The following CKMT1B variants were observed in gnomAD, a reference collection of about 807,000 sequenced individuals.
CKMT1B encodes creatine kinase U-type, mitochondrial.
CKMT1B carries 13 observed loss-of-function variants against 21.8 expected under a neutral mutation model. The observed-to-expected ratio is 0.60, with a 90% CI of 0.39 to 0.95. CKMT1B has a LOEUF of 0.95. Ranked by LOEUF, CKMT1B falls within the 40% of genes least tolerant of loss-of-function variation. CKMT1B has a pLI of 0.00. For synonymous variants in CKMT1B, 50 were observed against 80.3 expected (o/e 0.62, Z 2.02); for missense variants, 157 against 227.5 (o/e 0.69, Z 1.99).
intron 6 of CKMT1B, chr15:43,597,757 T>A: frequency 5.0e-6 from 5 of 996,402 alleles, no homozygotes; most frequent in Non-Finnish European, 6.1e-6. Context: ...AACAGAATGT[T>A]ATCTTACCTC....
At chr15:43,597,667 G>A (rs1225085410) in intron 6 of CKMT1B, 44 of 932,958 alleles carry the variant, frequency 4.7e-5, no homozygotes, top group East Asian at 1.8e-4. Flanking sequence ...CCTTCCCCCC[G>A]CCCCCTATTC....
rs150307940 is a variant in CKMT1B, at chr15:43,598,912, T to C, written c.1097T>C (p.Val366Ala). 7.5e-6 allele frequency: 12 copies of C among 1,609,894 alleles called. No homozygotes were observed. The highest frequency in any genetic ancestry group is 1.0e-5 in the Non-Finnish European group (12 of 1,179,658). ...GTGGACACTGCTGCTACAGGCGGTG[T>C]CTTTGATATTTCTAATTTGGACCGA... ...GGVDTAATGG[V>A]FDISNLDRLG... The change falls in exon 8 of 9, where the codon GTC becomes GCC. Residue 366 changes from valine to alanine, a missense_variant. Physicochemically the swap from Val to Ala is moderately conservative, Grantham distance 64 (BLOSUM62 0). Transcript: ENST00000441322.
chr15:43,597,382 G>A, intron 6 of CKMT1B: 1 of 1,159,928 alleles, frequency 8.6e-7, no homozygotes, highest in Non-Finnish European at 1.1e-6. Flanking sequence ...TTAGGTTGTT[G>A]TGGGGATTAA....
At chr15:43,596,814 G>A (rs1256569390) in intron 6 of CKMT1B, among the ~76,000 whole-genome samples, 1 of 149,540 alleles carries the variant, frequency 6.7e-6, no homozygotes, top group Non-Finnish European at 1.5e-5. Flanking sequence ...AAATGAGATG[G>A]CACGTCAGTG....
rs747327818 is a variant in CKMT1B, at chr15:43,598,284, G to C, written c.968G>C (p.Gly323Ala). The C allele has an allele frequency of 1.7e-5, 27 of 1,607,422 alleles. No homozygotes were observed. The highest frequency in any genetic ancestry group is 6.7e-5 in the Admixed American group (4 of 59,872). The change falls in exon 7 of 9, where the codon GGA becomes GCA. Residue 323 changes from glycine to alanine, a missense_variant. Physicochemically the swap from Gly to Ala is moderately conservative, Grantham distance 60 (BLOSUM62 0). Coordinates refer to ENST00000441322, the MANE Select transcript of CKMT1B (RefSeq NM_001375484.1). ...ACCTGTCCATCTAACCTGGGCACTG[G>C]ACTTCGGGCAGGAGTGCACATCAAA... ...ILTCPSNLGT[G>A]LRAGVHIKLP...
At chr15:43,597,661 C>A in intron 6 of CKMT1B, 3 of 915,408 alleles carry the variant, frequency 3.3e-6, no homozygotes, top group Non-Finnish European at 4.1e-6. Flanking sequence ...CAAACGCCTT[C>A]CCCCCGCCCC....
intron 6 of CKMT1B, chr15:43,597,696 T>G (rs1043468870): frequency 9.8e-7 from 1 of 1,020,086 alleles, no homozygotes; most frequent in Admixed American, 4.8e-5. Flanking sequence ...CTGGCTTTTC[T>G]GCTCTGTTTT....
rs144248819 is a variant in CKMT1B, at chr15:43,597,516, G to A, written c.877-677G>A. The A allele has an allele frequency of 7.2e-5, 89 of 1,236,808 alleles. 7 individuals carry two copies. In the African/African-American group the frequency reaches 1.3e-3, roughly 18 times the overall value. The allele number at this position is 1,236,808 out of a possible 1,614,324, so 76.6% of individuals were successfully genotyped here. On this transcript the variant is annotated intron_variant, in intron 6 of 8. Transcript: ENST00000441322. ...TTCAGCATGTAAGATATCCCCTATGGCATGGTTCCTTCTGAACTATAAAGA... is the reference window on the plus strand; with the variant it reads ...TTCAGCATGTAAGATATCCCCTATGACATGGTTCCTTCTGAACTATAAAGA...
rs2085631321 is a variant in CKMT1B at position 43,598,949 on chromosome 15, A to G, written c.1134A>G (p.Ser378=). The part of the protein sequence containing the change: ...DISNLDRLGK[S]EVELVQLVID... Reference sequence around the variant, plus strand: ...CTAATTTGGACCGACTAGGCAAATCAGAGGTGAGATCCTAAGGGATTAGGA... The same window carrying G: ...CTAATTTGGACCGACTAGGCAAATCGGAGGTGAGATCCTAAGGGATTAGGA... Residue 378 remains serine, a synonymous_variant, in exon 8 of 9, where the codon TCA becomes TCG. Transcript: ENST00000441322. The G allele has an allele frequency of 6.2e-7, 1 of 1,611,166 alleles. No homozygotes were observed. The highest frequency in any genetic ancestry group is 8.5e-7 in the Non-Finnish European group (1 of 1,179,560).
In CKMT1B at chr15:43,599,247, A is replaced by G. The variant is rs546474933; in HGVS notation, c.1228A>G (p.Thr410Ala). 25 of 1,613,624 alleles carry G rather than the reference A, an allele frequency of 1.5e-5. No homozygotes were observed. The East Asian group carries it at 5.1e-4, about 33-fold the overall frequency. ...LERGQDIRIP[T>A]PVIHTKH ...GAGAGGCCAGGATATCCGCATCCCC[A>G]CACCTGTCATCCACACCAAGCATTA... The change falls in exon 9 of 9, where the codon ACA becomes GCA. Residue 410 changes from threonine (T) to alanine (A), a missense_variant. Thr to Ala is a moderately conservative substitution (Grantham distance 58). Coordinates refer to ENST00000441322, the MANE Select transcript of CKMT1B (RefSeq NM_001375484.1).
chr15:43,598,779 A>C, intron 7 of CKMT1B, 48 bp from the exon 8 acceptor site: 1 of 1,563,060 alleles, frequency 6.4e-7, no homozygotes, highest in South Asian at 1.2e-5. Flanking sequence ...AGGTAGGACT[A>C]GTCTCTGCCT....
rs2085607950 is a variant in CKMT1B, at chr15:43,598,191, A to G, written c.877-2A>G. 2.5e-6 allele frequency: 4 copies of G among 1,608,842 alleles called. 1 individual carries two copies. In the African/African-American group the frequency reaches 5.6e-5, roughly 22 times the overall value. The stretch of plus-strand genomic sequence containing the variant: ...TCGTTAACAAAACCTTTGTGGACTC[A>G]GGTGGAGAGACTTATCCAAGAACGT... On this transcript the variant is annotated splice_acceptor_variant, in intron 6 of 8. Transcript: ENST00000441322. LOFTEE classifies it high-confidence loss of function.
intron 6 of CKMT1B, chr15:43,597,553 C>A: frequency 8.9e-7 from 1 of 1,119,140 alleles, no homozygotes; most frequent in Non-Finnish European, 1.1e-6. Context: ...GATCCCTTTA[C>A]TCATGTTGGG....
intron 6 of CKMT1B, chr15:43,597,662 C>T: frequency 6.5e-6 from 6 of 925,892 alleles, no homozygotes; most frequent in Non-Finnish European, 6.8e-6. Context: ...AAACGCCTTC[C>T]CCCCGCCCCC....
intron 6 of CKMT1B, chr15:43,597,684 A>G (rs1368171320): frequency 2.1e-5 from 21 of 1,004,124 alleles, no homozygotes; most frequent in Admixed American, 4.8e-5. Flanking sequence ...ATTCCTATGA[A>G]TCTGGCTTTT....
At position 43,597,435 on chromosome 15, in the gene CKMT1B, T is replaced by A. The variant is rs909721459; in HGVS notation, c.877-758T>A. ...TACTTGGTCCACAGTAAGTGCTTAA[T>A]AAGTGTTAAAGTGTTAGCTGCAATA... On this transcript the variant is annotated intron_variant, in intron 6 of 8. Transcript: ENST00000441322. 7 of 1,197,264 alleles carry A rather than the reference T, an allele frequency of 5.8e-6. 1 individual carries two copies. Among genetic ancestry groups the A allele is most frequent in the Admixed American group, 6.7e-5 (2 of 29,926 alleles). The allele number at this position is 1,197,264 out of a possible 1,614,324, so 74.2% of individuals were successfully genotyped here.
intron 6 of CKMT1B, chr15:43,597,867 T>C (rs2085599457): frequency 1.6e-6 from 2 of 1,249,280 alleles, no homozygotes; most frequent in Admixed American, 3.5e-5. Context: ...GCAGACCTCA[T>C]TGAATAATCA....
rs376023151 is a variant in CKMT1B, at chr15:43,598,889, G to T, written c.1074G>T (p.Val358=). 2.5e-6 allele frequency: 4 copies of T among 1,609,088 alleles called. No individual in the cohort carries two copies. In the African/African-American group the frequency reaches 4.2e-5, roughly 17 times the overall value. Residue 358 remains valine, a synonymous_variant, in exon 8 of 9, where the codon GTG becomes GTT. Coordinates refer to ENST00000441322, the MANE Select transcript of CKMT1B (RefSeq NM_001375484.1). ...LRLQKRGTGG[V]DTAATGGVFD... ...TCCAAAAACGTGGTACTGGAGGAGT[G>T]GACACTGCTGCTACAGGCGGTGTCT...
intron 6 of CKMT1B, chr15:43,597,534 T>C: frequency 8.5e-7 from 1 of 1,174,852 alleles, no homozygotes; most frequent in Non-Finnish European, 1.1e-6. Context: ...CCTTCTGAAC[T>C]ATAAAGAGGA....
Sources: allele counts gnomAD v4.1 joint callset (sites outside exome capture counted in the v4.1 genomes callset), GRCh38; gene constraint gnomAD v4.1.1; transcripts MANE v1.5; gene names NCBI Gene and HGNC (gene_info 2026-07-23, HGNC 2026-07-21).